The following CDH23 variants were observed in gnomAD, a reference collection of about 807,000 sequenced individuals.
The protein encoded by CDH23 is cadherin-23.
Under a neutral mutation model 317.1 loss-of-function variants are expected in CDH23, and 189 were observed. The observed-to-expected ratio is 0.60, with a 90% CI of 0.53 to 0.67. The LOEUF is 0.67. CDH23 is among the 30% of genes least tolerant of loss of function. The pLI is 0.00. For missense variants in CDH23, 4,401 were observed against 4,592.4 expected (o/e 0.96, Z 1.20); for synonymous variants, 1,839 against 1,876.8 (o/e 0.98, Z 0.52).
At chr10:71,407,902 C>G (rs1178122039) in intron 1 of CDH23, among the ~76,000 whole-genome samples, 3 of 152,204 alleles carry the variant, frequency 2.0e-5, no homozygotes, top group Non-Finnish European at 4.4e-5. Flanking sequence ...GGGGAAAAAT[C>G]CCCTTCTGAC....
chr10:71,691,639 G>A (rs1345102009), intron 20 of CDH23, among the ~76,000 whole-genome samples: 1 of 152,206 alleles, frequency 6.6e-6, no homozygotes, highest in Non-Finnish European at 1.5e-5. Flanking sequence ...CAAGGTCACT[G>A]CAGAAGGGAA....
chr10:71,776,755 C>T (rs531123554), intron 38 of CDH23, among the ~76,000 whole-genome samples: 10 of 152,150 alleles, frequency 6.6e-5, no homozygotes, highest in Non-Finnish European at 1.2e-4. Flanking sequence ...TGGGCAGAAC[C>T]GCAGTGAGGA....
chr10:71,542,743 G>T (rs192600497), intron 6 of CDH23, among the ~76,000 whole-genome samples: 141 of 152,366 alleles, frequency 9.3e-4, no homozygotes, highest in African/African-American at 3.1e-3. Flanking sequence ...AGAGAAGGCT[G>T]GGAATGGTGA....
Position 71,777,698 on chromosome 10 carries a change from G to A in CDH23, c.4864G>A (p.Val1622Met), listed in dbSNP as rs199754104. 157 of 1,612,290 alleles carry A rather than the reference G, an allele frequency of 9.7e-5. No homozygotes were observed. Among genetic ancestry groups the A allele is most frequent in the Admixed American group, 3.5e-4 (21 of 59,774 alleles). The change falls in exon 39 of 70, where the codon GTG (valine) becomes ATG (methionine). Residue 1622 changes from valine to methionine, a missense_variant. Physicochemically the swap from Val to Met is conservative, Grantham distance 21. This residue lies in a region of CDH23 where 3,068 missense variants were observed against 3,203.3 expected (regional missense o/e 0.96). Transcript: ENST00000224721. ...TCCACAGGCCACCACGCACGTGTAC[G>A]TGACCATTGTGGATGAGAATGATAA... is the stretch of plus-strand genomic sequence containing the variant. ...PTLSATTHVY[V>M]TIVDENDNAP...
At chr10:71,460,096 C>T (rs1051445727) in intron 3 of CDH23, among the ~76,000 whole-genome samples, 5 of 152,236 alleles carry the variant, frequency 3.3e-5, no homozygotes, top group African/African-American at 1.2e-4. Context: ...GGTTGCTGCC[C>T]ACCCAAGGGC....
intron 1 of CDH23, among the ~76,000 whole-genome samples, chr10:71,436,739 C>T (rs928939447): frequency 6.6e-6 from 1 of 152,198 alleles, no homozygotes; most frequent in African/African-American, 2.4e-5. Flanking sequence ...CCTGCAGCAC[C>T]CAGCAGAATG....
In CDH23 at chr10:71,811,598, T is replaced by C. The variant is rs1841927544; in HGVS notation, c.9278+8T>C. 6.2e-7 allele frequency: 1 copy of C among 1,613,760 alleles called. No individual in the cohort carries two copies. The highest frequency in any genetic ancestry group is 8.5e-7 in the Non-Finnish European group (1 of 1,179,834). On this transcript the variant is annotated splice_region_variant and intron_variant, in intron 64 of 69. Coordinates refer to ENST00000224721, the MANE Select transcript of CDH23 (RefSeq NM_022124.6). ...CTGGTACTACAGGACTGTGTGAGTGTCCCCCACCCCTGCCATCAGGGGGCC... is the reference window on the plus strand; with the variant it reads ...CTGGTACTACAGGACTGTGTGAGTGCCCCCCACCCCTGCCATCAGGGGGCC...
chr10:71,483,647 G>A (rs56110422), intron 3 of CDH23, among the ~76,000 whole-genome samples: 1,644 of 152,270 alleles, frequency 0.011, 36 homozygotes, highest in African/African-American at 0.038. Flanking sequence ...GGCCTTCGCC[G>A]TCCTAAGGGC....
At chr10:71,669,590 G>C (rs1864058621) in intron 14 of CDH23, among the ~76,000 whole-genome samples, 1 of 152,084 alleles carries the variant, frequency 6.6e-6, no homozygotes, top group Non-Finnish European at 1.5e-5. Flanking sequence ...TTGGATTACA[G>C]GCATGTGCCA....
intron 2 of CDH23, among the ~76,000 whole-genome samples, chr10:71,443,742 T>C (rs1209202359): frequency 6.6e-6 from 1 of 152,240 alleles, no homozygotes; most frequent in African/African-American, 2.4e-5. Context: ...CCCCTCCCCT[T>C]CTACATCCAC....
chr10:71,775,938 C>G lies in CDH23; in HGVS notation c.4846-1742C>G, dbSNP rs541507537. 3.9e-5 allele frequency among the ~76,000 whole-genome samples: 6 copies of G among 152,280 alleles called. 1 individual carries two copies. The South Asian group carries it at 1.2e-3, about 32-fold the overall frequency. ...CCTTGAGCCTTCCTGAGTCCCCTTA[C>G]TTGCCGGCAAGAATACAAGAGCACC... On this transcript the variant is annotated intron_variant, in intron 38 of 69. Transcript: ENST00000224721.
chr10:71,742,049 C>A, intron 38 of CDH23, 128 bp downstream of exon 38: 1 of 793,014 alleles, frequency 1.3e-6, no homozygotes, highest in Non-Finnish European at 2.0e-6. Context: ...CTCCTTTAGT[C>A]CATCTGCCTT....
intron 11 of CDH23, among the ~76,000 whole-genome samples, chr10:71,635,467 C>A (rs921425024): frequency 1.3e-5 from 2 of 152,178 alleles, no homozygotes; most frequent in Non-Finnish European, 2.9e-5. Context: ...CAGCAAATTA[C>A]CCTTAAAGAG....
In CDH23 at chr10:71,751,406, C is replaced by A. The variant is rs1334617771; in HGVS notation, c.4845+9485C>A. On this transcript the variant is annotated intron_variant, in intron 38 of 69. Coordinates refer to ENST00000224721, the MANE Select transcript of CDH23 (RefSeq NM_022124.6). The surrounding 1 kb of genome is among the most constrained non-coding windows in gnomAD (Gnocchi z 4.9). The stretch of plus-strand genomic sequence containing the variant: ...TGAATGGGGGCCCCTCTGTCCCTCA[C>A]CCTCAACCCCACCCCGTGAGGCCGT... 1.9e-6 allele frequency: 1 copy of A among 516,340 alleles called. No individual in the cohort carries two copies. The highest frequency in any genetic ancestry group is 3.4e-5 in the East Asian group (1 of 29,760). 32.0% of individuals were successfully genotyped at this position (516,340 alleles called of 1,614,324 possible). A position where few individuals can be genotyped will look rare whatever the true frequency, so the allele number is the denominator to read the frequency against.
chr10:71,742,888 T>C (rs1279132810), intron 38 of CDH23, among the ~76,000 whole-genome samples: 4 of 152,222 alleles, frequency 2.6e-5, no homozygotes, highest in African/African-American at 9.6e-5. Flanking sequence ...GTTCTTCTGG[T>C]CTCAGCTGGG....
In CDH23 at chr10:71,620,392, G is replaced by A. The variant is rs536652071; in HGVS notation, c.1134+2999G>A. On this transcript the variant is annotated intron_variant, in intron 11 of 69. Transcript: ENST00000224721. ...GCTCCTGACCAGGCCTGAGTCCAGC[G>A]AGTGCCACCAGATGTAAGGCCGGAA... 5.9e-5 allele frequency among the ~76,000 whole-genome samples: 9 copies of A among 152,254 alleles called. No homozygotes were observed. The East Asian group carries it at 9.6e-4, about 16-fold the overall frequency.
Position 71,492,526 on chromosome 10 carries a change from A to G in CDH23, c.146-17556A>G, listed in dbSNP as rs1466725651. On this transcript the variant is annotated intron_variant, in intron 3 of 69. Transcript: ENST00000224721. The stretch of plus-strand genomic sequence containing the variant: ...CAAAGACAGCAGGACGCTCCTTGGG[A>G]TGTGCTTTGCAGAGATGGAATGGAG... 3.3e-5 allele frequency among the ~76,000 whole-genome samples: 5 copies of G among 152,282 alleles called. No individual in the cohort carries two copies. In the East Asian group the frequency reaches 9.7e-4, roughly 29 times the overall value.
intron 9 of CDH23, among the ~76,000 whole-genome samples, chr10:71,610,012 C>CGAGA (rs370820654): frequency 3.5e-5 from 5 of 142,650 alleles, no homozygotes; most frequent in African/African-American, 1.3e-4. Context: ...GACAGAGAGA[C>CGAGA]GAGAGAGAGA....
At chr10:71,446,440 G>T in intron 3 of CDH23, 45 bp downstream of exon 3, 5 of 1,562,824 alleles carry the variant, frequency 3.2e-6, no homozygotes, top group Non-Finnish European at 4.4e-6. Context: ...GGCCTGGGGT[G>T]CAATCCCTTC....
Sources: allele counts gnomAD v4.1 joint callset (sites outside exome capture counted in the v4.1 genomes callset), GRCh38; gene constraint gnomAD v4.1.1; regional missense constraint gnomAD v4.1.1; non-coding constraint Gnocchi (gnomAD v3.1); transcripts MANE v1.5; gene names NCBI Gene and HGNC (gene_info 2026-07-23, HGNC 2026-07-21).